The following PRKD1 variants were observed in gnomAD, a reference collection of about 807,000 sequenced individuals.
The protein encoded by PRKD1 is protein kinase D1.
Under a neutral mutation model 95.9 loss-of-function variants are expected in PRKD1, and 63 were observed. The ratio of observed to expected loss-of-function variants is 0.66; its 90% CI spans 0.54 to 0.81. PRKD1 has a LOEUF of 0.81. Ranked by LOEUF, PRKD1 falls within the 30% of genes least tolerant of loss-of-function variation. PRKD1 has a pLI of 0.00. For synonymous variants in PRKD1, 425 were observed against 423.1 expected, an observed-to-expected ratio of 1.00 and a Z score of -0.05; for missense variants, 1,048 against 1,165.3, an observed-to-expected ratio of 0.90 and a Z score of 1.47.
chr14:29,649,736 G>T (rs1812261759), intron 4 of PRKD1, among the ~76,000 whole-genome samples: 3 of 152,004 alleles, frequency 2.0e-5, no homozygotes, highest in Admixed American at 2.0e-4. Flanking sequence ...AGCATTTGAG[G>T]GGTTAACTTG....
intron 1 of PRKD1, among the ~76,000 whole-genome samples, chr14:29,808,495 G>A (rs534604471): frequency 7.0e-6 from 1 of 143,754 alleles, no homozygotes; most frequent in African/African-American, 2.6e-5. Context: ...TGCCTCCTGG[G>A]TTCAAGCAAT....
At chr14:29,755,529 C>T (rs1266728399) in intron 1 of PRKD1, among the ~76,000 whole-genome samples, 1 of 152,026 alleles carries the variant, frequency 6.6e-6, no homozygotes, top group Non-Finnish European at 1.5e-5. Flanking sequence ...ACAAACTTAC[C>T]CCTGGTTGAT....
chr14:29,618,973 G>T (rs1180525242), intron 13 of PRKD1, among the ~76,000 whole-genome samples: 2 of 152,200 alleles, frequency 1.3e-5, no homozygotes, highest in Non-Finnish European at 2.9e-5. Context: ...TCTGGAGAAT[G>T]AGGAGGAGGA....
At chr14:29,744,709 G>T (rs965038416) in intron 1 of PRKD1, among the ~76,000 whole-genome samples, 1 of 152,082 alleles carries the variant, frequency 6.6e-6, no homozygotes, top group African/African-American at 2.4e-5. Flanking sequence ...ACCATGCCCA[G>T]CTAATTTTTT....
chr14:29,580,773 T>G (rs1892731915), intron 16 of PRKD1, among the ~76,000 whole-genome samples: 1 of 152,202 alleles, frequency 6.6e-6, no homozygotes, highest in South Asian at 2.1e-4. Context: ...TGGCCATGTC[T>G]ACATTGATAC....
rs545158595 is a variant in PRKD1 at position 29,750,611 on chromosome 14, C to CGT, written c.265-24938_265-24937insAC. On this transcript the variant is annotated intron_variant, in intron 1 of 17. Coordinates refer to ENST00000331968, the MANE Select transcript of PRKD1 (RefSeq NM_002742.3). ...ATCATCCTATCCCAGGATGCATGAACGCGCGCACACACACACACACACACA... is the reference window on the plus strand; with the variant it reads ...ATCATCCTATCCCAGGATGCATGAACGTGCGCGCACACACACACACACACACA... Among the ~76,000 whole-genome samples, 643 of 135,730 alleles carry CGT rather than the reference C, an allele frequency of 4.7e-3. 3 individuals are homozygous for CGT. Among genetic ancestry groups the CGT allele is most frequent in the African/African-American group, 0.017 (605 of 35,550 alleles). 89.0% of individuals were successfully genotyped at this position (135,730 alleles called of 152,430 possible). A position where few individuals can be genotyped will look rare whatever the true frequency, so the allele number is the denominator to read the frequency against.
At chr14:29,633,760 TTCTC>T (rs1420686607) in intron 8 of PRKD1, among the ~76,000 whole-genome samples, 2 of 152,202 alleles carry the variant, frequency 1.3e-5, no homozygotes, top group Non-Finnish European at 2.9e-5. Flanking sequence ...CAGGTAGGTC[TTCTC>T]TCTCTAACAC....
chr14:29,578,351 A>G lies in PRKD1; in HGVS notation c.2444T>C (p.Leu815Pro). 1.2e-6 allele frequency: 2 copies of G among 1,609,890 alleles called. No individual in the cohort carries two copies. Among genetic ancestry groups the G allele is most frequent in the Non-Finnish European group, 1.7e-6 (2 of 1,178,080 alleles). ...TTTTACTTGCAGCAAATTGTTGATA[A>G]GATCAATGGCTGAAAAAAATTACCA... ...WKEISHEAID[L>P]INNLLQVKMR... is the part of the protein sequence containing the mutation. Residue 815 changes from leucine (L) to proline (P), a missense_variant, in exon 17 of 18, where the codon CTT (leucine) becomes CCT (proline). Leu to Pro is a moderately conservative substitution (Grantham distance 98). Around this residue, in one of 3 missense-constraint regions of PRKD1, gnomAD observed 739 missense variants for 861.9 expected, o/e 0.86. Coordinates refer to ENST00000331968, the MANE Select transcript of PRKD1 (RefSeq NM_002742.3).
chr14:29,836,848 G>T lies in PRKD1; in HGVS notation c.264+90401C>A, dbSNP rs144255172. Among the ~76,000 whole-genome samples, 831 of 152,252 alleles carry T rather than the reference G, an allele frequency of 5.5e-3. 2 individuals carry two copies. The highest frequency in any genetic ancestry group is 0.01 in the Middle Eastern group (3 of 294). ...CAATGAAAATGCTAAGAGTGGGAAG[G>T]CCACAGGTGAGTGAGCTAGACAAGG... On this transcript the variant is annotated intron_variant, in intron 1 of 17. Transcript: ENST00000331968.
At chr14:29,596,036 T>A (rs1893289201) in intron 16 of PRKD1, among the ~76,000 whole-genome samples, 1 of 152,240 alleles carries the variant, frequency 6.6e-6, no homozygotes, top group African/African-American at 2.4e-5. Context: ...TTGGCACACA[T>A]GATAGCTCTT....
intron 2 of PRKD1, among the ~76,000 whole-genome samples, chr14:29,671,629 T>C (rs1882847307): frequency 6.6e-6 from 1 of 152,004 alleles, no homozygotes; most frequent in African/African-American, 2.4e-5. Flanking sequence ...AAGTAACATA[T>C]CAAGAAGAAA....
At chr14:29,619,478 G>T (rs953011416) in intron 13 of PRKD1, among the ~76,000 whole-genome samples, 1 of 152,052 alleles carries the variant, frequency 6.6e-6, no homozygotes, top group Non-Finnish European at 1.5e-5. Flanking sequence ...CTGGCAGTGG[G>T]GATACATTAG....
chr14:29,664,530 T>A (rs1882373103), intron 3 of PRKD1, among the ~76,000 whole-genome samples: 1 of 152,152 alleles, frequency 6.6e-6, no homozygotes, highest in South Asian at 2.1e-4. Flanking sequence ...CACACAGCAG[T>A]CCGGACAGAC....
intron 1 of PRKD1, among the ~76,000 whole-genome samples, chr14:29,749,810 C>CA (rs1188019323): frequency 6.6e-6 from 1 of 152,056 alleles, no homozygotes; most frequent in Non-Finnish European, 1.5e-5. Context: ...CCTATACCTC[C>CA]AAAATCTTAT....
rs201010570 is a variant in PRKD1, at chr14:29,597,590, C to T, written c.2335G>A (p.Gly779Ser). The T allele has an allele frequency of 5.4e-5, 87 of 1,613,900 alleles. No individual in the cohort carries two copies. In the East Asian group the frequency reaches 7.1e-4, roughly 13 times the overall value. ...TCATCTTCATTAAATGGGAATGTGCCGCTTAGGCTTACATAGATGATGACC... is the reference window on the plus strand; with the variant it reads ...TCATCTTCATTAAATGGGAATGTGCTGCTTAGGCTTACATAGATGATGACC... ...VGVIIYVSLS[G>S]TFPFNEDEDI... Residue 779 changes from glycine (G) to serine (S), a missense_variant, in exon 16 of 18, where the codon GGC (glycine) becomes AGC (serine). This residue lies in a region of PRKD1 where 739 missense variants were observed against 861.9 expected (regional missense o/e 0.86). Coordinates refer to ENST00000331968, the MANE Select transcript of PRKD1 (RefSeq NM_002742.3).
chr14:29,774,537 G>T (rs767728314), intron 1 of PRKD1, among the ~76,000 whole-genome samples: 1 of 152,174 alleles, frequency 6.6e-6, no homozygotes, highest in Non-Finnish European at 1.5e-5. Flanking sequence ...CATGAGTTAG[G>T]TACCATTGCA....
chr14:29,599,220 C>A, intron 14 of PRKD1, 95 bp from the exon 15 acceptor site: 1 of 1,000,908 alleles, frequency 1.0e-6, no homozygotes, highest in Admixed American at 2.1e-5. Context: ...TGACAATGGA[C>A]ATTCAAATTT....
intron 16 of PRKD1, among the ~76,000 whole-genome samples, chr14:29,584,856 T>A (rs1892862950): frequency 5.5e-5 from 1 of 18,320 alleles, no homozygotes. Context: ...TTTTACAATG[T>A]GTATTTTTTC....
intron 1 of PRKD1, among the ~76,000 whole-genome samples, chr14:29,895,158 A>G (rs1327992277): frequency 6.6e-6 from 1 of 152,042 alleles, no homozygotes; most frequent in Non-Finnish European, 1.5e-5. Context: ...CTCTACTAAA[A>G]TACCAAAAAT....
Sources: gnomAD v4.1 joint callset for allele counts (sites outside exome capture counted in the v4.1 genomes callset) on GRCh38, gnomAD v4.1.1 for gene constraint, gnomAD v4.1.1 regional missense constraint, MANE v1.5 for transcripts, NCBI Gene and HGNC (gene_info 2026-07-23, HGNC 2026-07-21) for gene names.